LRP1B: variants seen among roughly 807,000 people sequenced by gnomAD.
The protein encoded by LRP1B is low-density lipoprotein receptor-related protein 1B.
In LRP1B, 217 loss-of-function variants were observed where a neutral mutation model predicts 556.6. The observed-to-expected ratio is 0.39, with a 90% CI of 0.35 to 0.44. The LOEUF (loss-of-function observed/expected upper bound fraction) is 0.44, where lower values mean the gene tolerates loss of function less well. LRP1B is among the 20% of genes least tolerant of loss of function. LRP1B has a pLI of 1.00. For missense variants in LRP1B, 5,053 were observed against 5,620.8 expected, an observed-to-expected ratio of 0.90 and a Z score of 3.23; for synonymous variants, 2,047 against 1,865.8, an observed-to-expected ratio of 1.10 and a Z score of -2.50.
chr2:142,051,205 G>T (rs1038308338), intron 1 of LRP1B, among the ~76,000 whole-genome samples: 1 of 152,060 alleles, frequency 6.6e-6, no homozygotes, highest in African/African-American at 2.4e-5. Flanking sequence ...TGGTGAGGGG[G>T]TGGGGAAAGG....
intron 41 of LRP1B, among the ~76,000 whole-genome samples, chr2:140,668,447 T>C (rs1339715254): frequency 1.3e-5 from 2 of 151,348 alleles, no homozygotes; most frequent in African/African-American, 4.9e-5. Flanking sequence ...TCATAATACA[T>C]GTAACAATGG....
At chr2:140,910,714 T>C (rs1694394929) in intron 21 of LRP1B, among the ~76,000 whole-genome samples, 2 of 151,732 alleles carry the variant, frequency 1.3e-5, no homozygotes, top group African/African-American at 4.8e-5. Context: ...CCCTTTCAAT[T>C]AAAAAAGGTA....
intron 62 of LRP1B, among the ~76,000 whole-genome samples, chr2:140,454,505 G>A (rs184662073): frequency 1.3e-5 from 2 of 151,962 alleles, no homozygotes; most frequent in East Asian, 1.9e-4. Flanking sequence ...CTCCTTTTTT[G>A]TTGTTTTCAG....
intron 2 of LRP1B, among the ~76,000 whole-genome samples, chr2:141,545,066 G>A (rs1685503481): frequency 1.3e-5 from 2 of 152,120 alleles, no homozygotes; most frequent in Admixed American, 1.3e-4. Flanking sequence ...CTACAAGTGA[G>A]GACACAAAGC....
At chr2:140,456,672 G>C (rs1687120545) in intron 61 of LRP1B, 69 bp from the exon 62 acceptor site, 5 of 1,401,458 alleles carry the variant, frequency 3.6e-6, no homozygotes, top group Non-Finnish European at 4.9e-6. Flanking sequence ...CATGGGATTA[G>C]AGATAGGACT....
At chr2:140,738,446 T>C (rs1337908315) in intron 35 of LRP1B, among the ~76,000 whole-genome samples, 1 of 152,086 alleles carries the variant, frequency 6.6e-6, no homozygotes, top group Non-Finnish European at 1.5e-5. Context: ...CATGCACTTC[T>C]CAAATTTCTG....
chr2:141,488,885 T>C (rs1026045895), intron 2 of LRP1B, among the ~76,000 whole-genome samples: 6 of 152,172 alleles, frequency 3.9e-5, no homozygotes, highest in Non-Finnish European at 8.8e-5. Context: ...AAATGTTTAG[T>C]GTCATTATAA....
Position 140,868,247 on chromosome 2 carries a change from C to T in LRP1B, c.4186G>A (p.Asp1396Asn), listed in dbSNP as rs2105156739. The change falls in exon 26 of 91, where the codon GAC becomes AAC. Residue 1396 changes from aspartate (D) to asparagine (N), a missense_variant. Coordinates refer to ENST00000389484, the MANE Select transcript of LRP1B (RefSeq NM_018557.3). ...ATGCGAGGAAAATTTGCATCCCAGT[C>T]TGTCCAGAAAAGAATTCTAAAAAAA... is the stretch of plus-strand genomic sequence containing the variant. ...DPRYGILFWTDWDANFPRIES... is the reference protein window; with the variant it reads ...DPRYGILFWTNWDANFPRIES... 6.4e-7 allele frequency: 1 copy of T among 1,563,528 alleles called. No homozygotes were observed. The highest frequency in any genetic ancestry group is 8.6e-7 in the Non-Finnish European group (1 of 1,160,786).
chr2:141,785,614 G>A (rs1695405911), intron 2 of LRP1B, among the ~76,000 whole-genome samples: 1 of 151,142 alleles, frequency 6.6e-6, no homozygotes, highest in Non-Finnish European at 1.5e-5. Flanking sequence ...TGGTCAGAGT[G>A]TTAGCATGTC....
At chr2:140,562,768 G>A (rs983938118) in intron 43 of LRP1B, among the ~76,000 whole-genome samples, 4 of 151,794 alleles carry the variant, frequency 2.6e-5, no homozygotes, top group South Asian at 2.1e-4. Context: ...TTACAGGCAT[G>A]CACCACCACA....
intron 3 of LRP1B, among the ~76,000 whole-genome samples, chr2:141,449,740 A>T (rs191632275): frequency 6.6e-6 from 1 of 152,222 alleles, no homozygotes; most frequent in Non-Finnish European, 1.5e-5. Flanking sequence ...GAATAATAAC[A>T]GTTGCAGTGA....
intron 1 of LRP1B, among the ~76,000 whole-genome samples, chr2:141,975,205 G>A (rs921960186): frequency 2.0e-5 from 3 of 151,958 alleles, no homozygotes; most frequent in Non-Finnish European, 2.9e-5. Context: ...GTAACTTGCT[G>A]TGAAATTTTT....
chr2:141,093,122 G>A (rs1485060378), intron 7 of LRP1B, among the ~76,000 whole-genome samples: 1 of 151,500 alleles, frequency 6.6e-6, no homozygotes, highest in Non-Finnish European at 1.5e-5. Flanking sequence ...AATAGAGAAA[G>A]GAACAAATAA....
intron 7 of LRP1B, among the ~76,000 whole-genome samples, chr2:141,132,134 C>T (rs1389538060): frequency 6.6e-6 from 1 of 151,940 alleles, no homozygotes; most frequent in African/African-American, 2.4e-5. Context: ...CATAATAATA[C>T]AGTTTCTATG....
At chr2:140,743,778 T>G (rs1272013025) in intron 35 of LRP1B, among the ~76,000 whole-genome samples, 1 of 151,246 alleles carries the variant, frequency 6.6e-6, no homozygotes, top group South Asian at 2.1e-4. Context: ...GCCAACATGG[T>G]GAAACCCTGT....
chr2:141,296,662 T>TA (rs1325138494), intron 3 of LRP1B, among the ~76,000 whole-genome samples: 1 of 152,252 alleles, frequency 6.6e-6, no homozygotes, highest in African/African-American at 2.4e-5. Context: ...CATAAGTATG[T>TA]AAAATAGCAT....
chr2:140,520,607 T>A (rs1690121357), intron 49 of LRP1B, among the ~76,000 whole-genome samples: 1 of 151,764 alleles, frequency 6.6e-6, no homozygotes, highest in Non-Finnish European at 1.5e-5. Context: ...AGTATAATTT[T>A]TTTTGGTGCC....
chr2:141,023,017 A>T (rs1698110420), intron 11 of LRP1B, among the ~76,000 whole-genome samples: 1 of 151,854 alleles, frequency 6.6e-6, no homozygotes, highest in Admixed American at 6.6e-5. Flanking sequence ...AGAAAAAAAA[A>T]TTCCAGTAGA....
At chr2:142,119,376 T>C (rs1382579968) in intron 1 of LRP1B, among the ~76,000 whole-genome samples, 1 of 152,172 alleles carries the variant, frequency 6.6e-6, no homozygotes, top group Non-Finnish European at 1.5e-5. Context: ...TACTCCAAGC[T>C]GCCTTTTTGG....
Sources: gnomAD v4.1 joint callset for allele counts (sites outside exome capture counted in the v4.1 genomes callset) on GRCh38, gnomAD v4.1.1 for gene constraint, MANE v1.5 for transcripts, NCBI Gene and HGNC (gene_info 2026-07-23, HGNC 2026-07-21) for gene names.